Variants in APBA2 observed in about 807,000 individuals in gnomAD.
APBA2 encodes amyloid beta precursor protein binding family A member 2, also known as amyloid-beta A4 precursor protein-binding family A member 2.
APBA2 carries 30 observed loss-of-function variants against 75.0 expected under a neutral mutation model. The ratio of observed to expected loss-of-function variants is 0.40; its 90% CI spans 0.30 to 0.54. The LOEUF (loss-of-function observed/expected upper bound fraction) is 0.54, where lower values mean the gene tolerates loss of function less well. Ranked by LOEUF, APBA2 falls within the 20% of genes least tolerant of loss-of-function variation. The probability of loss-of-function intolerance (pLI) is 0.49; values close to 1 mark genes in which losing one functional copy is unlikely to be tolerated. For synonymous variants in APBA2, 444 were observed against 409.6 expected (o/e 1.08, Z -1.01); for missense variants, 801 against 1,016.1 (o/e 0.79, Z 2.88).
At chr15:28,948,436 C>G (rs1032373357) in intron 2 of APBA2, among the ~76,000 whole-genome samples, 5 of 151,660 alleles carry the variant, frequency 3.3e-5, no homozygotes, top group African/African-American at 1.2e-4. Context: ...AGTCCCCTTT[C>G]GTAGAGATTT....
At chr15:28,957,237 T>C (rs1295678521) in intron 2 of APBA2, among the ~76,000 whole-genome samples, 2 of 128,138 alleles carry the variant, frequency 1.6e-5, no homozygotes, top group Non-Finnish European at 3.0e-5. Context: ...CGTGCCTGGC[T>C]AATTTTTTTA....
chr15:28,915,123 ACTTAAC>A (rs2033613629), intron 1 of APBA2, among the ~76,000 whole-genome samples: 1 of 70,386 alleles, frequency 1.4e-5, no homozygotes. Context: ...CACACCACAC[ACTTAAC>A]CCATATATAC....
intron 2 of APBA2, chr15:28,990,464 C>T (rs1423459343): frequency 6.6e-6 from 1 of 151,592 alleles, no homozygotes; most frequent in Non-Finnish European, 1.5e-5. Flanking sequence ...TTTAAGTGAG[C>T]CTCAGATAAC....
chr15:28,959,953 G>C (rs189215222), intron 2 of APBA2, among the ~76,000 whole-genome samples: 32 of 152,218 alleles, frequency 2.1e-4, no homozygotes, highest in Admixed American at 2.0e-3. Flanking sequence ...AGAGCAGCCT[G>C]GGCAACATGG....
chr15:29,031,826 T>A (rs766011942), intron 3 of APBA2, among the ~76,000 whole-genome samples: 13 of 152,216 alleles, frequency 8.5e-5, no homozygotes, highest in Non-Finnish European at 1.8e-4. Context: ...AATCCTCTTG[T>A]AAGACAGAAA....
At chr15:29,097,063 TTC>T (rs2043882785) in intron 8 of APBA2, among the ~76,000 whole-genome samples, 1 of 152,240 alleles carries the variant, frequency 6.6e-6, no homozygotes, top group African/African-American at 2.4e-5. Context: ...CTCTCTTGGC[TTC>T]TCTCTGTCGC....
chr15:29,103,624 G>C (rs1356908891), intron 10 of APBA2, among the ~76,000 whole-genome samples: 1 of 152,198 alleles, frequency 6.6e-6, no homozygotes, highest in Non-Finnish European at 1.5e-5. Context: ...CCGGCTCCCC[G>C]GGCTTGGAGC....
chr15:28,958,593 C>G (rs1175085689), intron 2 of APBA2, among the ~76,000 whole-genome samples: 1 of 152,198 alleles, frequency 6.6e-6, no homozygotes, highest in African/African-American at 2.4e-5. Context: ...TTGTCAGCGG[C>G]ACAGAGCTCT....
At chr15:29,066,909 G>T (rs1400557614) in intron 4 of APBA2, among the ~76,000 whole-genome samples, 4 of 152,094 alleles carry the variant, frequency 2.6e-5, no homozygotes, top group Non-Finnish European at 5.9e-5. Flanking sequence ...AAGAAAAGAG[G>T]TTTAATTGGC....
rs1480972403 is a variant in APBA2 at position 29,101,931 on chromosome 15, C to A, written c.1524+147C>A. 8 of 824,260 alleles carry A rather than the reference C, an allele frequency of 9.7e-6. No individual in the cohort carries two copies. In the East Asian group the frequency reaches 2.1e-4, roughly 22 times the overall value. The allele number at this position is 824,260 out of a possible 1,614,324, so 51.1% of individuals were successfully genotyped here. On this transcript the variant is annotated intron_variant, in intron 10 of 14. Transcript: ENST00000683413. Reference sequence around the variant, plus strand: ...CAGTGGATCAGTGATCTTTTGCATACTCTTTGGGTTTGCAAAGATAGTGAA... The same window carrying A: ...CAGTGGATCAGTGATCTTTTGCATAATCTTTGGGTTTGCAAAGATAGTGAA...
intron 2 of APBA2, among the ~76,000 whole-genome samples, chr15:28,971,440 A>T (rs1215360962): frequency 6.6e-6 from 1 of 152,214 alleles, no homozygotes; most frequent in African/African-American, 2.4e-5. Flanking sequence ...GCCCCGAGCC[A>T]TCAGGACCGG....
At chr15:28,915,623 C>A (rs1476804204) in intron 1 of APBA2, among the ~76,000 whole-genome samples, 2 of 150,930 alleles carry the variant, frequency 1.3e-5, no homozygotes, top group Non-Finnish European at 1.5e-5. Context: ...CTTATACACA[C>A]CACACACACT....
chr15:28,986,224 T>A (rs891854505), intron 2 of APBA2, among the ~76,000 whole-genome samples: 3 of 152,198 alleles, frequency 2.0e-5, no homozygotes, highest in Admixed American at 6.5e-5. Flanking sequence ...GTGCCCACTC[T>A]GCGTCCTTGC....
At chr15:28,992,389 C>T (rs1218976605) in intron 2 of APBA2, among the ~76,000 whole-genome samples, 1 of 152,224 alleles carries the variant, frequency 6.6e-6, no homozygotes, top group African/African-American at 2.4e-5. Flanking sequence ...TCCCTGGAAG[C>T]ATGGCATTTC....
At chr15:29,035,025 C>T (rs961526003) in intron 3 of APBA2, among the ~76,000 whole-genome samples, 1 of 152,198 alleles carries the variant, frequency 6.6e-6, no homozygotes, top group African/African-American at 2.4e-5. Flanking sequence ...GTCCTTCTTC[C>T]CTGGGCCCTG....
intron 6 of APBA2, among the ~76,000 whole-genome samples, chr15:29,087,901 G>A (rs900375002): frequency 7.2e-5 from 11 of 152,016 alleles, no homozygotes; most frequent in African/African-American, 1.7e-4. Context: ...ATCTGATGTC[G>A]TTTGTCTCCT....
chr15:28,964,229 C>T lies in APBA2; in HGVS notation c.-94-31524C>T, dbSNP rs1411860140. ...TTCATTTTTACTTTTAAAGGAGTTG[C>T]CAAACTATTTTCCAGAGTGGCTGTA... On this transcript the variant is annotated intron_variant, in intron 2 of 14. Coordinates refer to ENST00000683413, the MANE Select transcript of APBA2 (RefSeq NM_001353788.2). Among the ~76,000 whole-genome samples the T allele has an allele frequency of 2.0e-5, 3 of 152,186 alleles. No homozygotes were observed. In the East Asian group the frequency reaches 5.8e-4, roughly 29 times the overall value.
intron 3 of APBA2, among the ~76,000 whole-genome samples, chr15:29,008,421 T>C (rs1221487317): frequency 6.6e-6 from 1 of 152,168 alleles, no homozygotes; most frequent in South Asian, 2.1e-4. Context: ...AATTTTTTTT[T>C]CTTACAACGG....
At chr15:28,971,817 C>T (rs1309035499) in intron 2 of APBA2, among the ~76,000 whole-genome samples, 1 of 152,172 alleles carries the variant, frequency 6.6e-6, no homozygotes, top group Non-Finnish European at 1.5e-5. Context: ...TCCCTACTGA[C>T]TCTACTCATC....
Sources: allele counts gnomAD v4.1 joint callset (sites outside exome capture counted in the v4.1 genomes callset), GRCh38; gene constraint gnomAD v4.1.1; transcripts MANE v1.5; gene names NCBI Gene and HGNC (gene_info 2026-07-23, HGNC 2026-07-21).